MIS18BP1: variants seen among roughly 807,000 people sequenced by gnomAD.
MIS18BP1 encodes the protein MIS18 binding protein 1.
Under a neutral mutation model 116.1 loss-of-function variants are expected in MIS18BP1, and 72 were observed. That is an observed-to-expected ratio of 0.62 (90% confidence interval 0.51 to 0.75). The LOEUF is 0.75. Ranked by LOEUF, MIS18BP1 falls within the 30% of genes least tolerant of loss-of-function variation. The probability of loss-of-function intolerance (pLI) is 0.00; values close to 1 mark genes in which losing one functional copy is unlikely to be tolerated. For missense variants in MIS18BP1, 1,363 were observed against 1,303.2 expected (o/e 1.05, Z -0.71); for synonymous variants, 386 against 427.0 (o/e 0.90, Z 1.18).
At chr14:45,243,540 T>TA (rs1404623062) in intron 2 of MIS18BP1, among the ~76,000 whole-genome samples, 2 of 152,142 alleles carry the variant, frequency 1.3e-5, no homozygotes, top group African/African-American at 4.8e-5. Context: ...GGGATGATAA[T>TA]AGACTTAAAA....
chr14:45,204,043 C>T lies in MIS18BP1; in HGVS notation c.*66G>A. The T allele has an allele frequency of 6.4e-7, 1 of 1,551,650 alleles. No homozygotes were observed. The highest frequency in any genetic ancestry group is 8.7e-7 in the Non-Finnish European group (1 of 1,152,988). The stretch of plus-strand genomic sequence containing the variant: ...CTTTACAAAGAAAATACATGTACTC[C>T]AGTTGAAAATACAAACACTGTCTGC... On this transcript the variant is annotated 3_prime_UTR_variant, in exon 17 of 17. Coordinates refer to ENST00000310806, the MANE Select transcript of MIS18BP1 (RefSeq NM_018353.5).
At chr14:45,226,037 C>T (rs1280781343) in intron 10 of MIS18BP1, among the ~76,000 whole-genome samples, 1 of 152,142 alleles carries the variant, frequency 6.6e-6, no homozygotes, top group Non-Finnish European at 1.5e-5. Context: ...TTTCTTCTAA[C>T]TCCTCATATA....
intron 5 of MIS18BP1, among the ~76,000 whole-genome samples, chr14:45,236,406 A>G (rs971406091): frequency 3.9e-5 from 6 of 152,212 alleles, no homozygotes; most frequent in African/African-American, 1.4e-4. Context: ...GGAAGGTACC[A>G]AATGAGGTTT....
At chr14:45,209,173 T>TAC (rs141735848) in intron 14 of MIS18BP1, among the ~76,000 whole-genome samples, 1,778 of 150,634 alleles carry the variant, frequency 0.012, 12 homozygotes, top group South Asian at 0.024. Flanking sequence ...AAAGCAATTA[T>TAC]ACACACACAC....
At chr14:45,215,800 GTTCATGCTA>G (rs1890801171) in intron 13 of MIS18BP1, among the ~76,000 whole-genome samples, 2 of 151,526 alleles carry the variant, frequency 1.3e-5, no homozygotes, top group African/African-American at 2.4e-5. Context: ...TGCCTCCTGG[GTTCATGCTA>G]TTCTCCTGCC....
In MIS18BP1 at chr14:45,218,344, C is replaced by T. The variant is rs1288924087; in HGVS notation, c.2780G>A (p.Arg927Lys). ...ECQRKYMENP[R>K]GKGSQKHVTK... Reference sequence around the variant, plus strand: ...GACATGTTTCTGGGATCCTTTTCCTCTGGGATTTTCCATGTATTTCCTCTG... The same window carrying T: ...GACATGTTTCTGGGATCCTTTTCCTTTGGGATTTTCCATGTATTTCCTCTG... Residue 927 changes from arginine to lysine, a missense_variant, in exon 12 of 17, where the codon AGA becomes AAA. Physicochemically the swap from Arg to Lys is conservative, Grantham distance 26. Coordinates refer to ENST00000310806, the MANE Select transcript of MIS18BP1 (RefSeq NM_018353.5). 6.2e-7 allele frequency: 1 copy of T among 1,614,030 alleles called. No homozygotes were observed. Among genetic ancestry groups the T allele is most frequent in the African/African-American group, 1.3e-5 (1 of 75,006 alleles).
chr14:45,204,386 G>GT lies in MIS18BP1; in HGVS notation c.3295+12dup. ...TAGAACTGAGCCACAAAAGAAAGCT[G>GT]TAAGTGTATTACCTGTGTTAAATGG... On this transcript the variant is annotated intron_variant, in intron 16 of 16. Coordinates refer to ENST00000310806, the MANE Select transcript of MIS18BP1 (RefSeq NM_018353.5). The GT allele has an allele frequency of 1.3e-6, 2 of 1,597,606 alleles. No homozygotes were observed. Among genetic ancestry groups the GT allele is most frequent in the Non-Finnish European group, 1.7e-6 (2 of 1,173,870 alleles).
At chr14:45,225,062 T>C (rs1368353847) in intron 10 of MIS18BP1, among the ~76,000 whole-genome samples, 1 of 152,208 alleles carries the variant, frequency 6.6e-6, no homozygotes, top group Non-Finnish European at 1.5e-5. Context: ...ATCTCAACTA[T>C]ATTCTATGTT....
chr14:45,242,501 G>T lies in MIS18BP1; in HGVS notation c.676C>A (p.Gln226Lys). ...ACAGCCAAAAAATTTTCCTGTTCTT[G>T]GTTCAGAGTTGGAAGTTCTGCAAAA... ...NLTYELPTLNQEQENFLAVEA... is the reference protein window; with the variant it reads ...NLTYELPTLNKEQENFLAVEA... The change falls in exon 4 of 17, where the codon CAA becomes AAA. Residue 226 changes from glutamine (Q) to lysine (K), a missense_variant. Transcript: ENST00000310806. The T allele has an allele frequency of 6.3e-7, 1 of 1,586,360 alleles. No individual in the cohort carries two copies. Among genetic ancestry groups the T allele is most frequent in the Non-Finnish European group, 8.5e-7 (1 of 1,171,662 alleles).
chr14:45,205,392 ATTAGCTAC>A (rs1890486980), intron 15 of MIS18BP1, among the ~76,000 whole-genome samples: 2 of 152,174 alleles, frequency 1.3e-5, no homozygotes. Flanking sequence ...ATTCTCGAAG[ATTAGCTAC>A]TTAGAGGAAA....
chr14:45,215,850 G>A (rs1431301017), intron 13 of MIS18BP1, among the ~76,000 whole-genome samples: 2 of 151,660 alleles, frequency 1.3e-5, no homozygotes, highest in African/African-American at 2.4e-5. Flanking sequence ...GACTACAGGC[G>A]GCCGCCACCA....
chr14:45,210,648 T>C, intron 13 of MIS18BP1, 120 bp from the exon 14 acceptor site: 2 of 1,209,726 alleles, frequency 1.7e-6, no homozygotes, highest in Non-Finnish European at 2.4e-6. Flanking sequence ...GTTAGATAAT[T>C]AAAAACAGTA....
intron 2 of MIS18BP1, among the ~76,000 whole-genome samples, chr14:45,245,763 T>A (rs1891706546): frequency 6.6e-6 from 1 of 152,214 alleles, no homozygotes; most frequent in South Asian, 2.1e-4. Context: ...GATGACCTCA[T>A]CTAATCTCAT....
rs1891047943 is a variant in MIS18BP1 at position 45,224,001 on chromosome 14, C to A, written c.2586G>T (p.Lys862Asn). 4.3e-6 allele frequency: 7 copies of A among 1,613,330 alleles called. No individual in the cohort carries two copies. The East Asian group carries it at 1.6e-4, about 36-fold the overall frequency. ...FPITEAVGSDKTNRHPLECLP... is the reference protein window; with the variant it reads ...FPITEAVGSDNTNRHPLECLP... ...AGCATTCTAAGGGATGCCTATTTGT[C>A]TTATCAGATCCTACTGCCTCAGTAA... Residue 862 changes from lysine (K) to asparagine (N), a missense_variant, in exon 11 of 17, where the codon AAG (lysine) becomes AAT (asparagine). Transcript: ENST00000310806.
intron 5 of MIS18BP1, among the ~76,000 whole-genome samples, chr14:45,236,508 T>C (rs1467776935): frequency 2.6e-5 from 4 of 152,124 alleles, no homozygotes; most frequent in Non-Finnish European, 5.9e-5. Context: ...GAAAAAAATA[T>C]GAAGATGTAT....
Position 45,237,733 on chromosome 14 carries a change from TA to T in MIS18BP1, c.1144-13del. ...TGTAGCTGAACTACCTAATCAAGTA[TA>T]AAACAAAGAACATATTTCCTGTATT... On this transcript the variant is annotated splice_polypyrimidine_tract_variant and intron_variant, in intron 4 of 16. Transcript: ENST00000310806. The T allele has an allele frequency of 6.3e-7, 1 of 1,585,846 alleles. No individual in the cohort carries two copies. Among genetic ancestry groups the T allele is most frequent in the Non-Finnish European group, 8.5e-7 (1 of 1,170,802 alleles).
chr14:45,216,703 C>T (rs1051666340), intron 13 of MIS18BP1, among the ~76,000 whole-genome samples: 2 of 152,174 alleles, frequency 1.3e-5, no homozygotes, highest in Non-Finnish European at 2.9e-5. Context: ...TCAATTACTA[C>T]ACAGTATCTT....
At chr14:45,227,942 C>T (rs746876648) in intron 8 of MIS18BP1, 128 bp from the exon 9 acceptor site, 17 of 875,106 alleles carry the variant, frequency 1.9e-5, no homozygotes, top group Middle Eastern at 3.5e-4. Context: ...TCTGGGAGGC[C>T]GAGGGAGGAG....
At position 45,203,849 on chromosome 14, in the gene MIS18BP1, TA is replaced by T. The variant is rs1268965959; in HGVS notation, c.*259del. On this transcript the variant is annotated 3_prime_UTR_variant, in exon 17 of 17. Transcript: ENST00000310806. ...AAAGTAAACAGACTTGGATGCTTAT[TA>T]AAAAATTATCTATATATATTTTAAT... 5.1e-5 allele frequency: 10 copies of T among 196,044 alleles called. No individual in the cohort carries two copies. The highest frequency in any genetic ancestry group is 1.0e-4 in the Non-Finnish European group (10 of 99,338). 12.1% of individuals were successfully genotyped at this position (196,044 alleles called of 1,614,324 possible). A position where few individuals can be genotyped will look rare whatever the true frequency, so the allele number is the denominator to read the frequency against.
Sources: allele counts gnomAD v4.1 joint callset (sites outside exome capture counted in the v4.1 genomes callset), GRCh38; gene constraint gnomAD v4.1.1; transcripts MANE v1.5; gene names NCBI Gene and HGNC (gene_info 2026-07-23, HGNC 2026-07-21).